ARHGAP44: variants seen among roughly 807,000 people sequenced by gnomAD.
The protein encoded by ARHGAP44 is Rho GTPase activating protein 44, also known as rho GTPase-activating protein 44.
A neutral mutation model predicts 106.8 loss-of-function variants in ARHGAP44; 43 were observed. That is an observed-to-expected ratio of 0.40 (90% confidence interval 0.32 to 0.52). The LOEUF (loss-of-function observed/expected upper bound fraction) is 0.52, where lower values mean the gene tolerates loss of function less well. ARHGAP44 is among the 20% of genes least tolerant of loss of function. The probability of loss-of-function intolerance (pLI) is 0.48; values close to 1 mark genes in which losing one functional copy is unlikely to be tolerated. For missense variants in ARHGAP44, 866 were observed against 1,050.5 expected (o/e 0.82, Z 2.43); for synonymous variants, 439 against 410.3 (o/e 1.07, Z -0.85).
chr17:12,946,205 C>T (rs1007460551), intron 10 of ARHGAP44, among the ~76,000 whole-genome samples: 59 of 152,292 alleles, frequency 3.9e-4, no homozygotes, highest in African/African-American at 1.3e-3. Context: ...CCTTACCACT[C>T]AGTTTATGGG....
intron 18 of ARHGAP44, among the ~76,000 whole-genome samples, chr17:12,975,667 G>A (rs372468920): frequency 9.9e-5 from 15 of 151,554 alleles, no homozygotes; most frequent in Middle Eastern, 3.4e-3. Flanking sequence ...GCGTGGTGGC[G>A]GGCGCCTGTA....
intron 1 of ARHGAP44, among the ~76,000 whole-genome samples, chr17:12,844,844 A>G (rs2035518078): frequency 7.5e-6 from 1 of 134,180 alleles, no homozygotes; most frequent in South Asian, 2.2e-4. Flanking sequence ...TATTTGGGCC[A>G]GGCTTTATGG....
At chr17:12,794,049 A>C (rs924271385) in intron 1 of ARHGAP44, among the ~76,000 whole-genome samples, 7 of 152,226 alleles carry the variant, frequency 4.6e-5, no homozygotes, top group Non-Finnish European at 7.3e-5. Flanking sequence ...GGAAGGGCAG[A>C]GCAAGATTTA....
At chr17:12,924,396 T>C (rs1159766078) in intron 6 of ARHGAP44, among the ~76,000 whole-genome samples, 1 of 152,206 alleles carries the variant, frequency 6.6e-6, no homozygotes, top group Non-Finnish European at 1.5e-5. Flanking sequence ...AAATTTCTTT[T>C]TTGTGTGTGA....
At chr17:12,836,218 G>A (rs2035233381) in intron 1 of ARHGAP44, among the ~76,000 whole-genome samples, 1 of 152,170 alleles carries the variant, frequency 6.6e-6, no homozygotes, top group South Asian at 2.1e-4. Context: ...TGCTTGAAGA[G>A]CAGAACGGAG....
chr17:12,910,890 T>TA (rs2037709867), intron 4 of ARHGAP44, among the ~76,000 whole-genome samples: 1 of 150,600 alleles, frequency 6.6e-6, no homozygotes, highest in Non-Finnish European at 1.5e-5. Context: ...ATCCAAAAAA[T>TA]AAAAAAATAA....
At chr17:12,838,084 A>T (rs1386589033) in intron 1 of ARHGAP44, among the ~76,000 whole-genome samples, 1 of 152,024 alleles carries the variant, frequency 6.6e-6, no homozygotes, top group Non-Finnish European at 1.5e-5. Context: ...ACTATTGTTC[A>T]TTTCTTCATC....
At chr17:12,854,731 G>T (rs1405538871) in intron 1 of ARHGAP44, among the ~76,000 whole-genome samples, 1 of 152,124 alleles carries the variant, frequency 6.6e-6, no homozygotes, top group East Asian at 1.9e-4. Context: ...GGCTGAGGCG[G>T]GCGGATCACC....
intron 6 of ARHGAP44, among the ~76,000 whole-genome samples, chr17:12,925,008 G>A (rs1052764579): frequency 9.2e-5 from 14 of 152,086 alleles, no homozygotes; most frequent in African/African-American, 1.7e-4. Context: ...TTCTGGAGGC[G>A]GGGCAGTGTG....
chr17:12,859,090 A>G (rs776764288), intron 1 of ARHGAP44, among the ~76,000 whole-genome samples: 1 of 152,200 alleles, frequency 6.6e-6, no homozygotes. Flanking sequence ...CAGCCAGACC[A>G]TATCAGCTTT....
At chr17:12,928,892 C>G (rs1178447162) in intron 6 of ARHGAP44, 37 bp from the exon 7 acceptor site, 2 of 1,561,064 alleles carry the variant, frequency 1.3e-6, no homozygotes, top group African/African-American at 2.7e-5. Flanking sequence ...CAGGGCTCTA[C>G]CTGTCTCACA....
At chr17:12,929,883 C>T (rs575392645) in intron 7 of ARHGAP44, among the ~76,000 whole-genome samples, 8 of 152,338 alleles carry the variant, frequency 5.3e-5, no homozygotes, top group African/African-American at 1.9e-4. Context: ...TTCTTCATGG[C>T]TCTGTCTAGT....
rs544438168 is a variant in ARHGAP44 at position 12,943,026 on chromosome 17, G to A, written c.652-562G>A. Reference sequence around the variant, plus strand: ...ATGTATACAAGTTAATGACATTTAAGTCGTACATATCTCATAAGTAAATTA... The same window carrying A: ...ATGTATACAAGTTAATGACATTTAAATCGTACATATCTCATAAGTAAATTA... On this transcript the variant is annotated intron_variant, in intron 8 of 20. Transcript: ENST00000379672. Among the ~76,000 whole-genome samples, 76 of 152,312 alleles carry A rather than the reference G, an allele frequency of 5.0e-4. 2 individuals are homozygous for A. The South Asian group carries it at 0.015, about 31-fold the overall frequency.
intron 3 of ARHGAP44, among the ~76,000 whole-genome samples, chr17:12,905,546 T>C (rs1798408998): frequency 6.6e-6 from 1 of 152,232 alleles, no homozygotes; most frequent in Admixed American, 6.5e-5. Context: ...CCTGTTGATC[T>C]TGACCTTCGT....
intron 1 of ARHGAP44, among the ~76,000 whole-genome samples, chr17:12,860,274 A>G (rs1019815366): frequency 6.6e-6 from 1 of 152,192 alleles, no homozygotes; most frequent in Admixed American, 6.5e-5. Context: ...CCCCACTTCA[A>G]TTTATACTTT....
intron 8 of ARHGAP44, among the ~76,000 whole-genome samples, chr17:12,943,194 A>G (rs2038753249): frequency 6.6e-6 from 1 of 152,220 alleles, no homozygotes; most frequent in African/African-American, 2.4e-5. Flanking sequence ...GGCATGAGCC[A>G]TCACACCTGA....
intron 3 of ARHGAP44, among the ~76,000 whole-genome samples, chr17:12,904,925 G>A (rs1193332008): frequency 2.6e-5 from 4 of 151,804 alleles, no homozygotes; most frequent in South Asian, 2.1e-4. Flanking sequence ...TTTTTGAGAC[G>A]GAGTCTCACT....
chr17:12,882,648 C>G (rs1029010407), intron 1 of ARHGAP44, among the ~76,000 whole-genome samples: 3 of 152,204 alleles, frequency 2.0e-5, no homozygotes, highest in South Asian at 4.1e-4. Flanking sequence ...TTTTCATCAA[C>G]AGACATGGAG....
intron 17 of ARHGAP44, chr17:12,973,561 G>A: frequency 1.8e-6 from 1 of 556,996 alleles, no homozygotes; most frequent in East Asian, 3.0e-5. Context: ...CTTGGCCAGG[G>A]TCCCAGCAGT....
Sources: gnomAD v4.1 joint callset for allele counts (sites outside exome capture counted in the v4.1 genomes callset) on GRCh38, gnomAD v4.1.1 for gene constraint, MANE v1.5 for transcripts, NCBI Gene and HGNC (gene_info 2026-07-23, HGNC 2026-07-21) for gene names.